NDUFA10: variants seen among roughly 807,000 people sequenced by gnomAD.
NDUFA10 encodes the protein NADH dehydrogenase [ubiquinone] 1 alpha subcomplex subunit 10, mitochondrial.
In NDUFA10, 40 loss-of-function variants were observed where a neutral mutation model predicts 47.8. The observed-to-expected ratio is 0.84, with a 90% CI of 0.65 to 1.09. NDUFA10 has a LOEUF of 1.09. Ranked by LOEUF, NDUFA10 falls within the 50% of genes least tolerant of loss-of-function variation. The pLI is 0.00. For missense variants in NDUFA10, 413 were observed against 451.1 expected (o/e 0.92, Z 0.76); for synonymous variants, 183 against 172.2 (o/e 1.06, Z -0.49).
chr2:239,905,019 C>CA (rs1304158414), intron 4 of NDUFA10, among the ~76,000 whole-genome samples: 1 of 152,222 alleles, frequency 6.6e-6, no homozygotes, highest in Non-Finnish European at 1.5e-5. Context: ...GGTCTCATCT[C>CA]AAAACCTTTA....
chr2:240,000,795 T>C (rs2106462731), intron 8 of NDUFA10, among the ~76,000 whole-genome samples: 1 of 152,350 alleles, frequency 6.6e-6, no homozygotes, highest in Non-Finnish European at 1.5e-5. Flanking sequence ...CCAACAGTAT[T>C]CAGTACTGTA....
intron 4 of NDUFA10, among the ~76,000 whole-genome samples, chr2:239,905,885 G>A (rs1401643894): frequency 6.7e-6 from 1 of 150,336 alleles, no homozygotes; most frequent in Non-Finnish European, 1.5e-5. Flanking sequence ...GGGGACAGGA[G>A]GGGAGGAAGC....
Position 240,011,771 on chromosome 2 carries a change from C to A in NDUFA10, c.670-75G>T, listed in dbSNP as rs529288679. On this transcript the variant is annotated intron_variant, in intron 5 of 9. Coordinates refer to ENST00000252711, the MANE Select transcript of NDUFA10 (RefSeq NM_004544.4). ...CTTTGACCTGTGCGTATATAAAATG[C>A]GAAGACAATCACTGACCACCATTTT... 999 of 1,300,408 alleles carry A rather than the reference C, an allele frequency of 7.7e-4. 1 individual carries two copies. The highest frequency in any genetic ancestry group is 1.0e-3 in the Non-Finnish European group (915 of 898,608). The allele number at this position is 1,300,408 out of a possible 1,614,324, so 80.6% of individuals were successfully genotyped here.
chr2:239,992,027 C>A lies in NDUFA10; in HGVS notation c.891-1845G>T, dbSNP rs141074852. ...ATTCTACAATTTATTTATACCTAAC[C>A]AAACTACCCTTTCAATTTATTACTA... is the stretch of plus-strand genomic sequence containing the variant. On this transcript the variant is annotated intron_variant, in intron 8 of 9. Coordinates refer to ENST00000252711, the MANE Select transcript of NDUFA10 (RefSeq NM_004544.4). 5.3e-5 allele frequency among the ~76,000 whole-genome samples: 8 copies of A among 152,264 alleles called. No homozygotes were observed. The East Asian group carries it at 1.4e-3, about 26-fold the overall frequency.
chr2:239,990,559 A>C (rs992321241), intron 8 of NDUFA10, among the ~76,000 whole-genome samples: 1 of 152,244 alleles, frequency 6.6e-6, no homozygotes, highest in Admixed American at 6.5e-5. Flanking sequence ...GCTACACACA[A>C]AGCATGCCCC....
chr2:239,895,804 A>G (rs1408208353), intron 4 of NDUFA10, among the ~76,000 whole-genome samples: 1 of 152,174 alleles, frequency 6.6e-6, no homozygotes, highest in African/African-American at 2.4e-5. Flanking sequence ...AAACTAAACC[A>G]AGGGTTTTGA....
At chr2:239,895,679 A>T (rs1693381505) in intron 4 of NDUFA10, among the ~76,000 whole-genome samples, 1 of 152,234 alleles carries the variant, frequency 6.6e-6, no homozygotes, top group South Asian at 2.1e-4. Flanking sequence ...TTTTAAATAC[A>T]AATATAAAAG....
chr2:239,991,364 C>T (rs901456487), intron 8 of NDUFA10, among the ~76,000 whole-genome samples: 2 of 152,144 alleles, frequency 1.3e-5, no homozygotes, highest in Admixed American at 6.5e-5. Context: ...TAACAATGAT[C>T]GTTTGCTTTC....
At position 239,928,461 on chromosome 2, in the gene NDUFA10, T is replaced by C. The variant is rs187995766; in HGVS notation, c.295-33147A>G. Among the ~76,000 whole-genome samples, 7 of 152,292 alleles carry C rather than the reference T, an allele frequency of 4.6e-5. No individual in the cohort carries two copies. The highest frequency in any genetic ancestry group is 3.9e-4 in the East Asian group (2 of 5,180). On this transcript the variant is annotated intron_variant, in intron 4 of 5. Transcript: ENST00000419408. This position sits in a 1 kb window ranked among gnomAD's most constrained non-coding sequence, Gnocchi z 4.3. ...TGTGATTATTATTCTGTGAAGTCAG[T>C]TCCTCATGGCAGGAAATCCCCCGAA...
intron 4 of NDUFA10, among the ~76,000 whole-genome samples, chr2:239,897,334 T>C (rs1693416884): frequency 6.6e-6 from 1 of 152,208 alleles, no homozygotes; most frequent in South Asian, 2.1e-4. Context: ...ATCACTAAAA[T>C]TATTTGTGAT....
chr2:239,936,179 G>A (rs184474820), intron 4 of NDUFA10, among the ~76,000 whole-genome samples: 6 of 152,326 alleles, frequency 3.9e-5, no homozygotes, highest in African/African-American at 7.2e-5. Flanking sequence ...CAGGCCAAGC[G>A]GAGGTGTGGG....
At chr2:239,948,579 A>AT (rs1338901860) in intron 4 of NDUFA10, among the ~76,000 whole-genome samples, 2 of 152,272 alleles carry the variant, frequency 1.3e-5, no homozygotes, top group African/African-American at 4.8e-5. Context: ...CCAAGGCTAA[A>AT]AGCCCCAGCC....
rs1693664299 is a variant in NDUFA10, at chr2:239,906,833, A to C, written c.295-11519T>G. On this transcript the variant is annotated intron_variant, in intron 4 of 5. Coordinates refer to the NDUFA10 transcript ENST00000419408. This position sits in a 1 kb window ranked among gnomAD's most constrained non-coding sequence, Gnocchi z 4.3. ...AATATTGTGAAAATGGCCATACTGC[A>C]CAAGGTAATTTATAGATTCAATGCC... is the stretch of plus-strand genomic sequence containing the variant. 6.6e-6 allele frequency among the ~76,000 whole-genome samples: 1 copy of C among 152,236 alleles called. No individual in the cohort carries two copies. Among genetic ancestry groups the C allele is most frequent in the Admixed American group, 6.5e-5 (1 of 15,284 alleles).
chr2:239,994,454 A>G (rs755785094), intron 8 of NDUFA10, among the ~76,000 whole-genome samples: 4 of 151,508 alleles, frequency 2.6e-5, no homozygotes, highest in African/African-American at 4.9e-5. Context: ...ACTGTCTCCC[A>G]TCACCCCCAG....
At chr2:239,942,711 G>A (rs146604779) in intron 4 of NDUFA10, among the ~76,000 whole-genome samples, 13 of 152,022 alleles carry the variant, frequency 8.6e-5, no homozygotes, top group African/African-American at 1.9e-4. Flanking sequence ...ACTGAGTCAC[G>A]GGTTTCTCTG....
intron 4 of NDUFA10, among the ~76,000 whole-genome samples, chr2:239,911,676 TGTGC>T (rs949909991): frequency 2.7e-5 from 4 of 150,942 alleles, no homozygotes; most frequent in Middle Eastern, 3.2e-3. Flanking sequence ...AGAGAGTGTG[TGTGC>T]GTGTGTGTGT....
intron 6 of NDUFA10, among the ~76,000 whole-genome samples, chr2:240,010,621 C>G (rs1405058163): frequency 6.6e-6 from 1 of 152,050 alleles, no homozygotes; most frequent in Non-Finnish European, 1.5e-5. Flanking sequence ...GCCACCCAGT[C>G]TTCTTACCAC....
chr2:239,994,660 A>G lies in NDUFA10; in HGVS notation c.891-4478T>C, dbSNP rs183029653. Among the ~76,000 whole-genome samples, 126 of 152,306 alleles carry G rather than the reference A, an allele frequency of 8.3e-4. 2 individuals carry two copies. In the South Asian group the frequency reaches 0.014, roughly 17 times the overall value. ...CCAGTCTGTGTAAAAACTGCCTTCC[A>G]TGAAACCGGTCCCTGGTGCCAAAAA... On this transcript the variant is annotated intron_variant, in intron 8 of 9. Coordinates refer to ENST00000252711, the MANE Select transcript of NDUFA10 (RefSeq NM_004544.4).
intron 9 of NDUFA10, among the ~76,000 whole-genome samples, chr2:239,966,360 C>T (rs2106401342): frequency 6.6e-6 from 1 of 152,330 alleles, no homozygotes; most frequent in African/African-American, 2.4e-5. Context: ...TTCCAGGCTG[C>T]AGAGGGTGTG....
Sources: allele counts gnomAD v4.1 joint callset (sites outside exome capture counted in the v4.1 genomes callset), GRCh38; gene constraint gnomAD v4.1.1; non-coding constraint Gnocchi (gnomAD v3.1); transcripts MANE v1.5; gene names NCBI Gene and HGNC (gene_info 2026-07-23, HGNC 2026-07-21).